The following OCIAD1 variants were observed in gnomAD, a reference collection of about 807,000 sequenced individuals.
OCIAD1 encodes the protein OCIA domain-containing protein 1.
In OCIAD1, 29 loss-of-function variants were observed where a neutral mutation model predicts 38.9. The ratio of observed to expected loss-of-function variants is 0.74; its 90% CI spans 0.55 to 1.02. The LOEUF (loss-of-function observed/expected upper bound fraction) is 1.02, where lower values mean the gene tolerates loss of function less well. Ranked by LOEUF, OCIAD1 falls within the 50% of genes least tolerant of loss-of-function variation. The pLI is 0.00. For missense variants in OCIAD1, 288 were observed against 289.6 expected, an observed-to-expected ratio of 0.99 and a Z score of 0.04; for synonymous variants, 110 against 92.0, an observed-to-expected ratio of 1.20 and a Z score of -1.12.
At chr4:48,810,497 G>A (rs919660484) in intron 1 of OCIAD1, among the ~76,000 whole-genome samples, 1 of 148,636 alleles carries the variant, frequency 6.7e-6, no homozygotes, top group Admixed American at 6.7e-5. Flanking sequence ...AAAAAGAGAT[G>A]AGATCTTGCT....
chr4:48,845,411 C>T (rs1458559530), intron 4 of OCIAD1, among the ~76,000 whole-genome samples: 1 of 152,174 alleles, frequency 6.6e-6, no homozygotes, highest in African/African-American at 2.4e-5. Context: ...TAACTTTAAC[C>T]AGTTTTTCTT....
At chr4:48,835,623 C>T (rs918894215) in intron 3 of OCIAD1, among the ~76,000 whole-genome samples, 2 of 152,056 alleles carry the variant, frequency 1.3e-5, no homozygotes, top group African/African-American at 4.8e-5. Context: ...TTTGTAGATA[C>T]TAGGTTTTGC....
intron 1 of OCIAD1, among the ~76,000 whole-genome samples, chr4:48,824,455 A>C (rs1267787818): frequency 6.6e-6 from 1 of 151,840 alleles, no homozygotes; most frequent in Non-Finnish European, 1.5e-5. Flanking sequence ...ATCATAGCTC[A>C]CTGCAACCCT....
At chr4:48,847,282 T>C (rs1779056669) in intron 4 of OCIAD1, among the ~76,000 whole-genome samples, 1 of 152,226 alleles carries the variant, frequency 6.6e-6, no homozygotes, top group South Asian at 2.1e-4. Flanking sequence ...TTAACCATTT[T>C]TCCATTGTAT....
intron 1 of OCIAD1, among the ~76,000 whole-genome samples, chr4:48,810,235 C>T (rs1223059152): frequency 2.0e-5 from 3 of 151,698 alleles, no homozygotes; most frequent in East Asian, 1.9e-4. Flanking sequence ...TTTGGGAGGC[C>T]GAGGCGGGTG....
At chr4:48,811,458 T>G (rs2109487677) in intron 1 of OCIAD1, among the ~76,000 whole-genome samples, 2 of 152,284 alleles carry the variant, frequency 1.3e-5, no homozygotes, top group South Asian at 4.1e-4. Context: ...TCCTCATTAA[T>G]TACACTCCAG....
intron 1 of OCIAD1, among the ~76,000 whole-genome samples, chr4:48,812,355 G>C (rs1003600754): frequency 5.0e-5 from 7 of 141,402 alleles, no homozygotes; most frequent in African/African-American, 1.9e-4. Context: ...TTTATGATAT[G>C]GTATTTAAAG....
intron 1 of OCIAD1, chr4:48,831,591 TA>T: frequency 5.5e-6 from 7 of 1,271,232 alleles, no homozygotes; most frequent in Non-Finnish European, 7.2e-6. Context: ...GTAAAGAACT[TA>T]AAATGGTATT....
chr4:48,842,891 A>T (rs1418029858), intron 4 of OCIAD1, among the ~76,000 whole-genome samples: 1 of 152,222 alleles, frequency 6.6e-6, no homozygotes, highest in Non-Finnish European at 1.5e-5. Context: ...CTGCACTAAT[A>T]GCATCATTAA....
intron 1 of OCIAD1, among the ~76,000 whole-genome samples, chr4:48,809,594 G>A (rs1218654778): frequency 6.6e-6 from 1 of 152,034 alleles, no homozygotes; most frequent in Non-Finnish European, 1.5e-5. Context: ...GACATTTGAG[G>A]CCCTTCATGA....
upstream of OCIAD1, among the ~76,000 whole-genome samples, chr4:48,827,993 T>C (rs1486620022): frequency 6.6e-6 from 1 of 152,060 alleles, no homozygotes; most frequent in African/African-American, 2.4e-5. Context: ...GGAGAACTTT[T>C]ATGTCTCACT....
At chr4:48,832,755 G>A (rs1425002418) in intron 2 of OCIAD1, 73 bp downstream of exon 2, 7 of 1,119,900 alleles carry the variant, frequency 6.3e-6, no homozygotes, top group Non-Finnish European at 9.6e-6. Context: ...TTGAGTAACA[G>A]TGGCAGGTGG....
At chr4:48,813,633 G>GT (rs1268533270) in intron 1 of OCIAD1, among the ~76,000 whole-genome samples, 1 of 152,204 alleles carries the variant, frequency 6.6e-6, no homozygotes, top group Middle Eastern at 3.2e-3. Context: ...TCCAGCCTGG[G>GT]TGACAGAGTG....
At chr4:48,823,734 C>A (rs952690784) in intron 1 of OCIAD1, among the ~76,000 whole-genome samples, 3 of 150,346 alleles carry the variant, frequency 2.0e-5, no homozygotes, top group Non-Finnish European at 4.4e-5. Context: ...ATTATCATAG[C>A]TCACTGGAGC....
rs563226253 is a variant in OCIAD1 at position 48,840,087 on chromosome 4, G to C, written c.140-2549G>C. ...CTGTGACATAAAGTAGAATACCTGA[G>C]TTGGAATGAGACCTTAGGTCTAATC... is the stretch of plus-strand genomic sequence containing the variant. On this transcript the variant is annotated intron_variant, in intron 3 of 8. Coordinates refer to ENST00000264312, the MANE Select transcript of OCIAD1 (RefSeq NM_017830.4). Among the ~76,000 whole-genome samples the C allele has an allele frequency of 1.2e-4, 19 of 152,312 alleles. No individual in the cohort carries two copies. The South Asian group carries it at 1.7e-3, about 13-fold the overall frequency.
intron 3 of OCIAD1, among the ~76,000 whole-genome samples, chr4:48,839,750 T>C (rs768524635): frequency 6.6e-6 from 1 of 152,170 alleles, no homozygotes; most frequent in Non-Finnish European, 1.5e-5. Flanking sequence ...TTCAAATAAT[T>C]GTAGGGATTC....
chr4:48,851,850 AATC>A lies in OCIAD1; in HGVS notation c.426_428del (p.Ser143del). On this transcript the variant is annotated inframe_deletion, in exon 7 of 9. Coordinates refer to ENST00000264312, the MANE Select transcript of OCIAD1 (RefSeq NM_017830.4). ...AAATATGACTCAAGTGTGAGTGGTCAATCATCTTTTGTGACATCCCCAGCAGCA... is the reference window on the plus strand; with the variant it reads ...AAATATGACTCAAGTGTGAGTGGTCAATCTTTTGTGACATCCCCAGCAGCA... The A allele has an allele frequency of 1.2e-6, 2 of 1,613,678 alleles. No individual in the cohort carries two copies. Among genetic ancestry groups the A allele is most frequent in the South Asian group, 1.1e-5 (1 of 91,046 alleles).
At chr4:48,807,080 A>T (rs1039988230) in intron 1 of OCIAD1, among the ~76,000 whole-genome samples, 3 of 151,874 alleles carry the variant, frequency 2.0e-5, no homozygotes, top group African/African-American at 7.3e-5. Context: ...ATATTTTTCA[A>T]TTTTTTTGTA....
intron 7 of OCIAD1, 35 bp downstream of exon 7, chr4:48,852,010 T>A: frequency 6.5e-7 from 1 of 1,538,746 alleles, no homozygotes. Flanking sequence ...TTCAACATTT[T>A]ATGGTCCAAC....
Sources: allele counts gnomAD v4.1 joint callset (sites outside exome capture counted in the v4.1 genomes callset), GRCh38; gene constraint gnomAD v4.1.1; transcripts MANE v1.5; gene names NCBI Gene and HGNC (gene_info 2026-07-23, HGNC 2026-07-21).